The following CFAP100 variants were observed in gnomAD, a reference collection of about 807,000 sequenced individuals.
CFAP100 encodes the protein cilia and flagella associated protein 100.
CFAP100 carries 70 observed loss-of-function variants against 81.5 expected under a neutral mutation model. The ratio of observed to expected loss-of-function variants is 0.86; its 90% CI spans 0.71 to 1.05. The LOEUF is 1.05. Among genes scored for constraint, CFAP100 ranks in the 50% least tolerant of loss-of-function variants. The probability of loss-of-function intolerance (pLI) is 0.00; values close to 1 mark genes in which losing one functional copy is unlikely to be tolerated. For synonymous variants in CFAP100, 341 were observed against 314.8 expected, an observed-to-expected ratio of 1.08 and a Z score of -0.88; for missense variants, 811 against 776.5, an observed-to-expected ratio of 1.04 and a Z score of -0.53.
At position 126,407,241 on chromosome 3, in the gene CFAP100, G is replaced by GA; in HGVS notation, c.125dup (p.Asn42LysfsTer7). On this transcript the variant is annotated frameshift_variant, in exon 3 of 17. Transcript: ENST00000352312. LOFTEE classifies it high-confidence loss of function. ...GAAGAGAACCCAAAGAAACAGGCAA[G>GA]AAAAAACGAAGGTAACCTTCAAGCT... is the stretch of plus-strand genomic sequence containing the variant. The GA allele has an allele frequency of 6.2e-7, 1 of 1,600,510 alleles. No homozygotes were observed.
intron 3 of CFAP100, among the ~76,000 whole-genome samples, chr3:126,412,437 A>G (rs901964622): frequency 2.0e-5 from 3 of 152,050 alleles, no homozygotes; most frequent in Admixed American, 2.0e-4. Context: ...GGGGGCTGTT[A>G]CTCAACCAAA....
chr3:126,435,067 G>A lies in CFAP100; in HGVS notation c.1629-492G>A, dbSNP rs1056005193. On this transcript the variant is annotated intron_variant, in intron 15 of 16. Transcript: ENST00000352312. ...CAGCGCAATCTGCAAACATCCATCC[G>A]TCCCCCCAAGCACAGGGGCTTCTCC... Among the ~76,000 whole-genome samples, 16 of 152,228 alleles carry A rather than the reference G, an allele frequency of 1.1e-4. No individual in the cohort carries two copies. The Middle Eastern group carries it at 0.014, about 129-fold the overall frequency.
rs544526261 is a variant in CFAP100, at chr3:126,422,490, C to A, written c.1083-835C>A. 8.4e-3 allele frequency among the ~76,000 whole-genome samples: 539 copies of A among 63,946 alleles called. 5 individuals carry two copies. The highest frequency in any genetic ancestry group is 0.024 in the African/African-American group (487 of 20,552). 42.0% of individuals were successfully genotyped at this position (63,946 alleles called of 152,430 possible). A position where few individuals can be genotyped will look rare whatever the true frequency, so the allele number is the denominator to read the frequency against. On this transcript the variant is annotated intron_variant, in intron 11 of 16. Coordinates refer to ENST00000352312, the MANE Select transcript of CFAP100 (RefSeq NM_182628.3). Reference sequence around the variant, plus strand: ...GGTGCCTGGGGCAAGCCAGCGCAGCCCCCCCCACCTCAGTCAGCAGGACCT... The same window carrying A: ...GGTGCCTGGGGCAAGCCAGCGCAGCACCCCCCACCTCAGTCAGCAGGACCT...
intron 13 of CFAP100, among the ~76,000 whole-genome samples, chr3:126,429,823 A>G (rs2107616933): frequency 6.6e-6 from 1 of 151,320 alleles, no homozygotes; most frequent in South Asian, 2.1e-4. Flanking sequence ...AACTTGTAGA[A>G]CTCTCTTTAG....
chr3:126,411,843 T>C (rs1232677439), intron 3 of CFAP100, among the ~76,000 whole-genome samples: 1 of 152,240 alleles, frequency 6.6e-6, no homozygotes, highest in Admixed American at 6.5e-5. Context: ...GATTTTATTT[T>C]TTCAAAGGAC....
intron 4 of CFAP100, among the ~76,000 whole-genome samples, chr3:126,415,329 C>A (rs571188400): frequency 3.3e-5 from 5 of 151,390 alleles, no homozygotes; most frequent in African/African-American, 1.2e-4. Context: ...CAAACCCTCC[C>A]CCACCCAGCA....
intron 3 of CFAP100, among the ~76,000 whole-genome samples, chr3:126,408,879 C>A (rs1389656190): frequency 6.6e-6 from 1 of 152,194 alleles, no homozygotes; most frequent in Non-Finnish European, 1.5e-5. Context: ...GCCTCAACCT[C>A]CTGGGTTTAA....
intron 2 of CFAP100, among the ~76,000 whole-genome samples, chr3:126,397,515 ATTGAT>A (rs1427954160): frequency 3.3e-5 from 5 of 152,210 alleles, no homozygotes; most frequent in African/African-American, 1.2e-4. Flanking sequence ...TGTAAACTAT[ATTGAT>A]TTGTTTATTG....
intron 5 of CFAP100, chr3:126,416,880 A>T: frequency 6.0e-6 from 1 of 166,368 alleles, no homozygotes. Flanking sequence ...TATTTTTATT[A>T]GTCGTTATTG....
At chr3:126,403,007 G>A (rs901453279) in intron 2 of CFAP100, among the ~76,000 whole-genome samples, 2 of 152,146 alleles carry the variant, frequency 1.3e-5, no homozygotes, top group African/African-American at 2.4e-5. Context: ...GGGATGCCTT[G>A]TCTCCTCAGT....
At chr3:126,414,041 G>A (rs1188526701) in intron 3 of CFAP100, 44 bp from the exon 4 acceptor site, 2 of 1,443,498 alleles carry the variant, frequency 1.4e-6, no homozygotes, top group Middle Eastern at 1.8e-4. Flanking sequence ...ACCACCGCCT[G>A]GAAGAGCTGG....
chr3:126,408,704 T>C (rs762096850), intron 3 of CFAP100, among the ~76,000 whole-genome samples: 5 of 152,144 alleles, frequency 3.3e-5, no homozygotes, highest in Non-Finnish European at 4.4e-5. Flanking sequence ...TGCAGAGGCA[T>C]GGGAGGGAGA....
At chr3:126,406,502 G>A (rs1033733652) in intron 2 of CFAP100, among the ~76,000 whole-genome samples, 3 of 152,202 alleles carry the variant, frequency 2.0e-5, no homozygotes, top group Non-Finnish European at 2.9e-5. Flanking sequence ...GGGAGTGGAG[G>A]AAGTGTCCGG....
intron 2 of CFAP100, among the ~76,000 whole-genome samples, chr3:126,403,165 G>A: frequency 6.6e-6 from 1 of 152,076 alleles, no homozygotes; most frequent in African/African-American, 2.4e-5. Flanking sequence ...CTCTGAAGAG[G>A]CTGCTGTGGA....
intron 10 of CFAP100, 38 bp downstream of exon 10, chr3:126,420,059 C>G (rs2083304369): frequency 6.2e-7 from 1 of 1,613,188 alleles, no homozygotes; most frequent in South Asian, 1.1e-5. Flanking sequence ...GAGCCTGGCT[C>G]TGCCCTGCAC....
At position 126,416,461 on chromosome 3, in the gene CFAP100, A is replaced by G. The variant is rs2083244231; in HGVS notation, c.371A>G (p.Gln124Arg). Residue 124 changes from glutamine to arginine, a missense_variant, in exon 5 of 17, where the codon CAG becomes CGG. Gln to Arg is a conservative substitution (Grantham distance 43). Transcript: ENST00000352312. ...DLEARAEAEH[Q>R]RAFRDYTTWK... is the part of the protein sequence containing the mutation. ...GAGGCGCGCGCCGAGGCCGAGCATCAGCGCGCCTTCCGCGACTACACGACC... is the reference window on the plus strand; with the variant it reads ...GAGGCGCGCGCCGAGGCCGAGCATCGGCGCGCCTTCCGCGACTACACGACC... The G allele has an allele frequency of 3.1e-6, 5 of 1,608,034 alleles. No homozygotes were observed. Among genetic ancestry groups the G allele is most frequent in the Non-Finnish European group, 4.2e-6 (5 of 1,177,790 alleles).
At position 126,434,370 on chromosome 3, in the gene CFAP100, G is replaced by A. The variant is rs1205011400; in HGVS notation, c.1617G>A (p.Glu539=). ...AGGCCGAGAGGGCAAAGGAGAAGGAGCGGCGCATCAGGTGAGCTCTAGGCT... is the reference window on the plus strand; with the variant it reads ...AGGCCGAGAGGGCAAAGGAGAAGGAACGGCGCATCAGGTGAGCTCTAGGCT... ...IEQAERAKEK[E]RRIRLREEKL... is the part of the protein sequence containing the mutation. The change falls in exon 15 of 17, where the codon GAG becomes GAA. Residue 539 remains glutamate (E), a synonymous_variant. Transcript: ENST00000352312. 1 of 1,613,400 alleles carries A rather than the reference G, an allele frequency of 6.2e-7. No homozygotes were observed.
chr3:126,420,499 C>T (rs921246330), intron 11 of CFAP100: 8 of 499,264 alleles, frequency 1.6e-5, no homozygotes, highest in African/African-American at 9.7e-5. Flanking sequence ...TGAATAATTT[C>T]GGGCTCTTGG....
intron 11 of CFAP100, 120 bp from the exon 12 acceptor site, chr3:126,423,205 G>A (rs2083359081): frequency 3.9e-6 from 3 of 769,138 alleles, no homozygotes; most frequent in South Asian, 1.9e-5. Flanking sequence ...GTAACTTGTG[G>A]GCAGCTGGGA....
Sources: allele counts gnomAD v4.1 joint callset (sites outside exome capture counted in the v4.1 genomes callset), GRCh38; gene constraint gnomAD v4.1.1; transcripts MANE v1.5; gene names NCBI Gene and HGNC (gene_info 2026-07-23, HGNC 2026-07-21).